The following TTLL10 variants were observed in gnomAD, a reference collection of about 807,000 sequenced individuals.
TTLL10 encodes inactive polyglycylase TTLL10.
A neutral mutation model predicts 69.0 loss-of-function variants in TTLL10; 61 were observed. That is an observed-to-expected ratio of 0.88 (90% confidence interval 0.72 to 1.09). The LOEUF (loss-of-function observed/expected upper bound fraction) is 1.09. TTLL10 is among the 50% of genes least tolerant of loss of function. The pLI is 0.00. For synonymous variants in TTLL10, 408 were observed against 393.3 expected (o/e 1.04, Z -0.44); for missense variants, 962 against 945.9 (o/e 1.02, Z -0.22).
Position 1,182,967 on chromosome 1 carries a change from G to A in TTLL10, c.1008G>A (p.Gln336=), listed in dbSNP as rs774624126. The change falls in exon 11 of 16, where the codon CAG becomes CAA. Residue 336 remains glutamine, a synonymous_variant. Coordinates refer to ENST00000379289, the MANE Select transcript of TTLL10 (RefSeq NM_001130045.2). ...LRNQEEVAAL[Q]AKTRSMEDDP... ...ACCAGGAGGAAGTTGCCGCCCTGCA[G>A]GCCAAGACCCGGAGCATGGAGGACG... is the stretch of plus-strand genomic sequence containing the variant. 1 of 1,606,844 alleles carries A rather than the reference G, an allele frequency of 6.2e-7. No homozygotes were observed. Among genetic ancestry groups the A allele is most frequent in the Non-Finnish European group, 8.5e-7 (1 of 1,177,336 alleles).
rs191027240 is a variant in TTLL10, at chr1:1,177,427, T to C, written c.-27-1762T>C. ...CCCAGGTTCAAGCTATTCTCCTGCCTCAGCCCCTCAAGGAGCTGGGACTAC... is the reference window on the plus strand; with the variant it reads ...CCCAGGTTCAAGCTATTCTCCTGCCCCAGCCCCTCAAGGAGCTGGGACTAC... On this transcript the variant is annotated intron_variant, in intron 3 of 15. Transcript: ENST00000379289. Among the ~76,000 whole-genome samples, 166 of 152,314 alleles carry C rather than the reference T, an allele frequency of 1.1e-3. 2 individuals carry two copies. Among genetic ancestry groups the C allele is most frequent in the South Asian group, 1.0e-3 (5 of 4,830 alleles).
chr1:1,186,684 C>T (rs1407819780), intron 13 of TTLL10, among the ~76,000 whole-genome samples: 9 of 152,048 alleles, frequency 5.9e-5, no homozygotes, highest in South Asian at 2.1e-4. Context: ...ACCATCTGGT[C>T]GGTGTGCAGG....
At chr1:1,187,358 G>A (rs377743538) in intron 13 of TTLL10, among the ~76,000 whole-genome samples, 7 of 152,112 alleles carry the variant, frequency 4.6e-5, no homozygotes, top group East Asian at 1.9e-4. Context: ...TGCCAGGTGC[G>A]GTGACTCACG....
In TTLL10 at chr1:1,182,355, C is replaced by T; in HGVS notation, c.831-6C>T. On this transcript the variant is annotated splice_region_variant and splice_polypyrimidine_tract_variant and intron_variant, in intron 9 of 15. Transcript: ENST00000379289. ...CAGCTCATCCTCCTGCCTCCCTGCC[C>T]TGCAGGGTCCTGAGAATGGAAGAGT... 6.2e-7 allele frequency: 1 copy of T among 1,613,078 alleles called. No homozygotes were observed. Among genetic ancestry groups the T allele is most frequent in the Non-Finnish European group, 8.5e-7 (1 of 1,179,262 alleles).
rs541104486 is a variant in TTLL10, at chr1:1,189,974, T to C, written c.1401+4865T>C. On this transcript the variant is annotated intron_variant, in intron 13 of 15. Transcript: ENST00000379289. Reference sequence around the variant, plus strand: ...AAAAATACAAAAAATTAGCTGGGCGTGGTGGCGGGCACCTGTAGTCCCAGC... The same window carrying C: ...AAAAATACAAAAAATTAGCTGGGCGCGGTGGCGGGCACCTGTAGTCCCAGC... Among the ~76,000 whole-genome samples the C allele has an allele frequency of 5.6e-3, 858 of 152,054 alleles. 8 individuals are homozygous for C. The highest frequency in any genetic ancestry group is 6.5e-3 in the Non-Finnish European group (442 of 67,992).
intron 13 of TTLL10, among the ~76,000 whole-genome samples, chr1:1,187,650 T>C (rs746045878): frequency 1.4e-5 from 2 of 144,994 alleles, no homozygotes; most frequent in Non-Finnish European, 3.0e-5. Context: ...AAAATAAAAA[T>C]CCATTGCACT....
chr1:1,190,870 G>A (rs140515120), intron 13 of TTLL10, among the ~76,000 whole-genome samples: 2 of 150,250 alleles, frequency 1.3e-5, no homozygotes, highest in African/African-American at 2.4e-5. Context: ...TTGTCACCTA[G>A]GCTGGAGTGT....
chr1:1,181,752 A>G lies in TTLL10; in HGVS notation c.767A>G (p.Asp256Gly). The G allele has an allele frequency of 6.2e-7, 1 of 1,604,242 alleles. No homozygotes were observed. The highest frequency in any genetic ancestry group is 8.5e-7 in the Non-Finnish European group (1 of 1,176,662). Reference protein sequence around the residue: ...PGGVQARLEKDAAAPALEDLP... With the variant: ...PGGVQARLEKGAAAPALEDLP... ...CCCCTGGGCTGCAGGCTGGAAAAGG[A>G]CGCAGCAGCGCCCGCCCTGGAGGAC... is the stretch of plus-strand genomic sequence containing the variant. Residue 256 changes from aspartate (D) to glycine (G), a missense_variant, in exon 9 of 16, where the codon GAC becomes GGC. Coordinates refer to ENST00000379289, the MANE Select transcript of TTLL10 (RefSeq NM_001130045.2). This position sits in a 1 kb window ranked among gnomAD's most constrained non-coding sequence, Gnocchi z 4.6.
At chr1:1,189,814 T>C (rs1291404087) in intron 13 of TTLL10, among the ~76,000 whole-genome samples, 1 of 152,152 alleles carries the variant, frequency 6.6e-6, no homozygotes, top group East Asian at 1.9e-4. Context: ...TTTATTTTGC[T>C]AAGAATTTGT....
chr1:1,190,866 C>A (rs1647720937), intron 13 of TTLL10, among the ~76,000 whole-genome samples: 1 of 151,922 alleles, frequency 6.6e-6, no homozygotes, highest in Non-Finnish European at 1.5e-5. Flanking sequence ...GCTCTTGTCA[C>A]CTAGGCTGGA....
At chr1:1,182,748 G>T in intron 10 of TTLL10, 128 bp from the exon 11 acceptor site, 1 of 1,321,276 alleles carries the variant, frequency 7.6e-7, no homozygotes, top group Non-Finnish European at 1.0e-6. Context: ...CGTGTGGTTA[G>T]CGCAGGGCCA....
chr1:1,187,162 T>C (rs1647405450), intron 13 of TTLL10, among the ~76,000 whole-genome samples: 1 of 152,032 alleles, frequency 6.6e-6, no homozygotes. Context: ...TCTTTACATA[T>C]TCTAAACACT....
chr1:1,182,752 A>C, intron 10 of TTLL10, 124 bp from the exon 11 acceptor site: 1 of 1,341,930 alleles, frequency 7.5e-7, no homozygotes, highest in South Asian at 1.5e-5. Flanking sequence ...TGGTTAGCGC[A>C]GGGCCAAGGT....
In TTLL10 at chr1:1,185,016, G is replaced by C; in HGVS notation, c.1308G>C (p.Thr436=). The C allele has an allele frequency of 3.1e-6, 5 of 1,613,906 alleles. No individual in the cohort carries two copies. Among genetic ancestry groups the C allele is most frequent in the Non-Finnish European group, 4.2e-6 (5 of 1,179,940 alleles). Residue 436 remains threonine (T), a synonymous_variant, in exon 13 of 16, where the codon ACG becomes ACC. Coordinates refer to ENST00000379289, the MANE Select transcript of TTLL10 (RefSeq NM_001130045.2). The surrounding 1 kb of genome is among the most constrained non-coding windows in gnomAD (Gnocchi z 6.1). ...TGTACATGCTGCTGAAGGAGCACAC[G>C]GTGTGGAGCATGGAACACCTCAACC... The part of the protein sequence containing the change: ...SPLYMLLKEH[T]VWSMEHLNRY...
intron 13 of TTLL10, among the ~76,000 whole-genome samples, chr1:1,186,978 C>T (rs1647381190): frequency 6.6e-6 from 1 of 151,532 alleles, no homozygotes; most frequent in Admixed American, 6.6e-5. Flanking sequence ...TCCCGAGTAG[C>T]TGGGACTACA....
At chr1:1,175,870 T>G (rs1267696640) in intron 3 of TTLL10, 1 of 407,820 alleles carries the variant, frequency 2.5e-6, no homozygotes, top group African/African-American at 2.2e-5. Flanking sequence ...GCTGCTGCCG[T>G]GCAGGTGGAG....
Position 1,181,663 on chromosome 1 carries a change from C to A in TTLL10, c.756-78C>A. The A allele has an allele frequency of 7.3e-7, 1 of 1,368,080 alleles. No individual in the cohort carries two copies. The highest frequency in any genetic ancestry group is 1.0e-6 in the Non-Finnish European group (1 of 994,044). The allele number at this position is 1,368,080 out of a possible 1,614,324, so 84.7% of individuals were successfully genotyped here. ...CAGTCCGCCCACTCACCACCCATGC[C>A]CCATCCCCCAGTCCCCACCCGCTCC... On this transcript the variant is annotated intron_variant, in intron 8 of 15. Coordinates refer to ENST00000379289, the MANE Select transcript of TTLL10 (RefSeq NM_001130045.2). This position sits in a 1 kb window ranked among gnomAD's most constrained non-coding sequence, Gnocchi z 4.6.
rs369714463 is a variant in TTLL10, at chr1:1,185,143, G to C, written c.1401+34G>C. 9 of 1,603,682 alleles carry C rather than the reference G, an allele frequency of 5.6e-6. No homozygotes were observed. The highest frequency in any genetic ancestry group is 4.0e-5 in the African/African-American group (3 of 74,458). On this transcript the variant is annotated intron_variant, in intron 13 of 15. Coordinates refer to ENST00000379289, the MANE Select transcript of TTLL10 (RefSeq NM_001130045.2). The surrounding 1 kb of genome is among the most constrained non-coding windows in gnomAD (Gnocchi z 6.1). ...ACTGTGCCCTCCAGTCTGGGAGTGA[G>C]ATCCCTCGGGGCGGGGGTGTGTGGT...
chr1:1,196,096 T>G (rs1648189442), intron 13 of TTLL10, among the ~76,000 whole-genome samples: 1 of 151,810 alleles, frequency 6.6e-6, no homozygotes, highest in South Asian at 2.1e-4. Context: ...TGTTAGTCCT[T>G]TCAAATGGGA....
Sources: allele counts gnomAD v4.1 joint callset (sites outside exome capture counted in the v4.1 genomes callset), GRCh38; gene constraint gnomAD v4.1.1; non-coding constraint Gnocchi (gnomAD v3.1); transcripts MANE v1.5; gene names NCBI Gene and HGNC (gene_info 2026-07-23, HGNC 2026-07-21).